The following FAT4 variants were observed in gnomAD, a reference collection of about 807,000 sequenced individuals.
The protein encoded by FAT4 is protocadherin Fat 4.
Under a neutral mutation model 303.9 loss-of-function variants are expected in FAT4, and 84 were observed. That is an observed-to-expected ratio of 0.28 (90% confidence interval 0.23 to 0.33). FAT4 has a LOEUF of 0.33. Among genes scored for constraint, FAT4 ranks in the 10% least tolerant of loss-of-function variants. The probability of loss-of-function intolerance (pLI) is 1.00; values close to 1 mark genes in which losing one functional copy is unlikely to be tolerated. For synonymous variants in FAT4, 2,307 were observed against 2,298.8 expected (o/e 1.00, Z -0.10); for missense variants, 6,005 against 6,146.8 (o/e 0.98, Z 0.77).
intron 2 of FAT4, among the ~76,000 whole-genome samples, chr4:125,383,031 G>C (rs1449205171): frequency 6.6e-6 from 1 of 152,096 alleles, no homozygotes; most frequent in East Asian, 1.9e-4. Flanking sequence ...TTGCTTTAAG[G>C]GAATGTTGTG....
intron 2 of FAT4, among the ~76,000 whole-genome samples, chr4:125,336,792 A>G (rs2125963698): frequency 6.6e-6 from 1 of 151,456 alleles, no homozygotes; most frequent in African/African-American, 2.4e-5. Context: ...TCTGATGTTG[A>G]GGCGATATGT....
In FAT4 at chr4:125,474,822, T is replaced by C. The variant is rs532159192; in HGVS notation, c.12214-1349T>C. 3.3e-5 allele frequency among the ~76,000 whole-genome samples: 5 copies of C among 152,186 alleles called. No individual in the cohort carries two copies. In the South Asian group the frequency reaches 1.0e-3, roughly 31 times the overall value. On this transcript the variant is annotated intron_variant, in intron 12 of 17. Transcript: ENST00000394329. ...TAAGGAAATTAATCATTTTCATTCC[T>C]AATGAAAGTGGCCTGATTTTTTAAT...
chr4:125,401,415 A>C (rs1162584896), intron 3 of FAT4, among the ~76,000 whole-genome samples: 2 of 151,594 alleles, frequency 1.3e-5, no homozygotes, highest in Admixed American at 1.3e-4. Context: ...TATTTTAAAA[A>C]TTTTCTCTCT....
Position 125,452,232 on chromosome 4 carries a change from C to T in FAT4, c.11222C>T (p.Ser3741Leu). The change falls in exon 10 of 18, where the codon TCA becomes TTA. Residue 3741 changes from serine to leucine, a missense_variant. Coordinates refer to ENST00000394329, the MANE Select transcript of FAT4 (RefSeq NM_001291303.3). The part of the protein sequence containing the change: ...HYLHFLRIAS[S>L]QLTGLGTAVQ... ...CTTCATTTTTTACGCATTGCCAGCT[C>T]ACAGCTGACAGGCTTAGGGACTGCT... 1.2e-6 allele frequency: 2 copies of T among 1,614,220 alleles called. No individual in the cohort carries two copies. Among genetic ancestry groups the T allele is most frequent in the Non-Finnish European group, 8.5e-7 (1 of 1,180,032 alleles).
At chr4:125,380,990 C>T (rs1009176293) in intron 2 of FAT4, among the ~76,000 whole-genome samples, 2 of 152,228 alleles carry the variant, frequency 1.3e-5, no homozygotes, top group Non-Finnish European at 2.9e-5. Context: ...CATATTAGTA[C>T]AGACTTCTGA....
At position 125,320,897 on chromosome 4, in the gene FAT4, G is replaced by A. The variant is rs757408970; in HGVS notation, c.4486G>A (p.Val1496Ile). 6.2e-7 allele frequency: 1 copy of A among 1,614,154 alleles called. No individual in the cohort carries two copies. Among genetic ancestry groups the A allele is most frequent in the East Asian group, 2.2e-5 (1 of 44,882 alleles). The change falls in exon 2 of 18, where the codon GTA becomes ATA. Residue 1496 changes from valine (V) to isoleucine (I), a missense_variant. Transcript: ENST00000394329. ...ATTTGCTAATCTCTTTGAGTTGACT[G>A]TAAAAGCCAATGATCAAGCTGTGCC... is the stretch of plus-strand genomic sequence containing the variant. ...REFANLFELT[V>I]KANDQAVPIE...
chr4:125,345,449 A>G (rs1560770939), intron 2 of FAT4, among the ~76,000 whole-genome samples: 1 of 148,578 alleles, frequency 6.7e-6, no homozygotes, highest in African/African-American at 2.5e-5. Context: ...AGAAGTATTG[A>G]AAAAAAAAAC....
chr4:125,481,065 C>T (rs1012537597), intron 15 of FAT4, among the ~76,000 whole-genome samples: 11 of 151,698 alleles, frequency 7.3e-5, no homozygotes, highest in African/African-American at 1.9e-4. Flanking sequence ...AGTTAGTTAC[C>T]GATGTAAATA....
At chr4:125,438,967 A>G (rs1463255498) in intron 8 of FAT4, among the ~76,000 whole-genome samples, 6 of 152,166 alleles carry the variant, frequency 3.9e-5, no homozygotes, top group Non-Finnish European at 5.9e-5. Flanking sequence ...TTTTTTTCCA[A>G]TGATCTAGCA....
At chr4:125,440,737 A>G (rs1026434362) in intron 8 of FAT4, among the ~76,000 whole-genome samples, 1 of 152,038 alleles carries the variant, frequency 6.6e-6, no homozygotes, top group Non-Finnish European at 1.5e-5. Context: ...TTGCACCCAT[A>G]TTTATAACTC....
chr4:125,460,752 G>T (rs1726456343), intron 10 of FAT4, among the ~76,000 whole-genome samples: 1 of 152,012 alleles, frequency 6.6e-6, no homozygotes, highest in Non-Finnish European at 1.5e-5. Flanking sequence ...ACATTCATTT[G>T]TATGTGTCTG....
rs1335737823 is a variant in FAT4 at position 125,408,780 on chromosome 4, C to T, written c.5906C>T (p.Thr1969Ile). 3.3e-6 allele frequency: 5 copies of T among 1,507,262 alleles called. No homozygotes were observed. The African/African-American group carries it at 7.0e-5, about 21-fold the overall frequency. 93.4% of individuals were successfully genotyped at this position (1,507,262 alleles called of 1,614,324 possible). ...TCTACTGTTCTTGTGTTTAATGTTA[C>T]TGATGCAGATGATGGTATGTATTTT... ...VGSTVLVFNV[T>I]DADDGINSQL... Residue 1969 changes from threonine to isoleucine, a missense_variant, in exon 5 of 18, where the codon ACT (threonine) becomes ATT (isoleucine). By Grantham distance (89) the Thr-to-Ile change is moderately conservative. Coordinates refer to ENST00000394329, the MANE Select transcript of FAT4 (RefSeq NM_001291303.3).
chr4:125,316,516 GGGGCAGGCCTGGGTCCAC>G lies in FAT4; in HGVS notation c.109_126del (p.Gln37_Gly42del). ...TGTTTTGGCTACTGTCATTGCTTCC[GGGGCAGGCCTGGGTCCAC>G]GGGGCCGAGCCGCGCCAGGTGTTCC... On this transcript the variant is annotated inframe_deletion, in exon 2 of 18. Coordinates refer to ENST00000394329, the MANE Select transcript of FAT4 (RefSeq NM_001291303.3). The surrounding 1 kb of genome is among the most constrained non-coding windows in gnomAD (Gnocchi z 5.7). 1 of 1,613,860 alleles carries G rather than the reference GGGGCAGGCCTGGGTCCAC, an allele frequency of 6.2e-7. No homozygotes were observed. The highest frequency in any genetic ancestry group is 2.2e-5 in the East Asian group (1 of 44,866).
In FAT4 at chr4:125,416,430, G is replaced by T. The variant is rs746661696; in HGVS notation, c.6844-18G>T. On this transcript the variant is annotated intron_variant, in intron 6 of 17. Transcript: ENST00000394329. Reference sequence around the variant, plus strand: ...CATTGTTTGTTTTACTCACATCTTGGTATGTACTGTTCTACAGGTGGTGGC... The same window carrying T: ...CATTGTTTGTTTTACTCACATCTTGTTATGTACTGTTCTACAGGTGGTGGC... 6 of 1,604,682 alleles carry T rather than the reference G, an allele frequency of 3.7e-6. No individual in the cohort carries two copies. The highest frequency in any genetic ancestry group is 1.7e-5 in the Admixed American group (1 of 59,178).
At position 125,490,191 on chromosome 4, in the gene FAT4, C is replaced by T. The variant is rs771665980; in HGVS notation, c.13375C>T (p.His4459Tyr). 6.2e-7 allele frequency: 1 copy of T among 1,614,160 alleles called. No homozygotes were observed. The highest frequency in any genetic ancestry group is 8.5e-7 in the Non-Finnish European group (1 of 1,180,034). Residue 4459 changes from histidine to tyrosine, a missense_variant, in exon 18 of 18, where the codon CAC (histidine) becomes TAC (tyrosine). His to Tyr is a moderately conservative substitution (Grantham distance 83). Coordinates refer to ENST00000394329, the MANE Select transcript of FAT4 (RefSeq NM_001291303.3). ...SGFTCSCPDS[H>Y]TGRTCEMVVA... Reference sequence around the variant, plus strand: ...CTTCACCTGTAGCTGCCCAGACTCGCACACGGGAAGGACCTGTGAGATGGT... The same window carrying T: ...CTTCACCTGTAGCTGCCCAGACTCGTACACGGGAAGGACCTGTGAGATGGT...
At position 125,317,826 on chromosome 4, in the gene FAT4, C is replaced by A; in HGVS notation, c.1415C>A (p.Pro472His). 6.2e-7 allele frequency: 1 copy of A among 1,614,186 alleles called. No homozygotes were observed. The highest frequency in any genetic ancestry group is 8.5e-7 in the Non-Finnish European group (1 of 1,180,024). The change falls in exon 2 of 18, where the codon CCT becomes CAT. Residue 472 changes from proline (P) to histidine (H), a missense_variant. Coordinates refer to ENST00000394329, the MANE Select transcript of FAT4 (RefSeq NM_001291303.3). This position sits in a 1 kb window ranked among gnomAD's most constrained non-coding sequence, Gnocchi z 7.0. ...VIFVNDINDH[P>H]PVFSQQVYRV... ...TTTGTTAATGACATCAATGACCATC[C>A]TCCTGTCTTTTCACAGCAAGTGTAC...
chr4:125,439,258 A>G (rs1320662365), intron 8 of FAT4, among the ~76,000 whole-genome samples: 1 of 152,022 alleles, frequency 6.6e-6, no homozygotes, highest in African/African-American at 2.4e-5. Context: ...CCCCACTTCT[A>G]ATTCTTCTGT....
intron 2 of FAT4, among the ~76,000 whole-genome samples, chr4:125,337,449 G>T (rs2663283): frequency 0.67 from 102,071 of 151,766 alleles, 34,906 homozygotes; most frequent in African/African-American, 0.78. Flanking sequence ...GGCACATTTC[G>T]ATCACTGATA....
intron 10 of FAT4, among the ~76,000 whole-genome samples, chr4:125,453,578 C>T (rs1018841859): frequency 9.2e-5 from 14 of 151,928 alleles, no homozygotes; most frequent in Admixed American, 7.9e-4. Flanking sequence ...CGGTGTTGTG[C>T]GCCTGTAGTC....
Sources: allele counts gnomAD v4.1 joint callset (sites outside exome capture counted in the v4.1 genomes callset), GRCh38; gene constraint gnomAD v4.1.1; non-coding constraint Gnocchi (gnomAD v3.1); transcripts MANE v1.5; gene names NCBI Gene and HGNC (gene_info 2026-07-23, HGNC 2026-07-21).